The following DIAPH2 variants were observed in gnomAD, a reference collection of about 807,000 sequenced individuals.
DIAPH2 encodes diaphanous related formin 2, also known as protein diaphanous homolog 2.
Under a neutral mutation model 92.7 loss-of-function variants are expected in DIAPH2, and 35 were observed. The observed-to-expected ratio is 0.38, with a 90% CI of 0.29 to 0.50. The LOEUF is 0.50. Ranked by LOEUF, DIAPH2 falls within the 20% of genes least tolerant of loss-of-function variation. The pLI is 0.94. For missense variants in DIAPH2, 701 were observed against 819.5 expected, an observed-to-expected ratio of 0.86 and a Z score of 1.77; for synonymous variants, 301 against 280.4, an observed-to-expected ratio of 1.07 and a Z score of -0.73.
chrX:97,437,537 G>A (rs1407538550), intron 26 of DIAPH2, among the ~76,000 whole-genome samples: 3 of 110,845 alleles, frequency 2.7e-5, no homozygotes, highest in African/African-American at 6.6e-5. Flanking sequence ...GCAACTAACC[G>A]CCTGGAGAAT....
intron 19 of DIAPH2, among the ~76,000 whole-genome samples, chrX:97,080,598 A>G (rs747334670): frequency 2.7e-5 from 3 of 110,653 alleles, no homozygotes; most frequent in African/African-American, 9.9e-5. Flanking sequence ...GTTTTCTCAA[A>G]TGTGATTTTT....
At chrX:96,737,465 G>T (rs2064094859) in intron 2 of DIAPH2, among the ~76,000 whole-genome samples, 1 of 111,477 alleles carries the variant, frequency 9.0e-6, no homozygotes, top group African/African-American at 3.3e-5. Context: ...GTTACATGGC[G>T]GTGAAGATAT....
At chrX:97,469,374 A>G (rs763945807) in intron 26 of DIAPH2, among the ~76,000 whole-genome samples, 4 of 112,286 alleles carry the variant, frequency 3.6e-5, no homozygotes, top group Non-Finnish European at 7.5e-5. Flanking sequence ...AGTCGCATCT[A>G]TTCATTAACT....
At chrX:97,568,129 A>G (rs1383279833) in intron 26 of DIAPH2, among the ~76,000 whole-genome samples, 1 of 107,726 alleles carries the variant, frequency 9.3e-6, no homozygotes, top group Non-Finnish European at 1.9e-5. Flanking sequence ...AAAAAAAAAA[A>G]AAAAAAAAAA....
chrX:97,464,119 T>C (rs1194312254), intron 26 of DIAPH2, among the ~76,000 whole-genome samples: 1 of 107,840 alleles, frequency 9.3e-6, no homozygotes, highest in Non-Finnish European at 1.9e-5. Flanking sequence ...GAAACAACAG[T>C]GAGACCACAG....
intron 17 of DIAPH2, among the ~76,000 whole-genome samples, chrX:97,030,485 T>A (rs145343453): frequency 0.036 from 3,960 of 111,446 alleles, 88 homozygotes; most frequent in Middle Eastern, 0.084. Flanking sequence ...ATACAAATAT[T>A]TTTGATGGTT....
intron 4 of DIAPH2, among the ~76,000 whole-genome samples, chrX:96,781,374 C>T (rs995218139): frequency 2.7e-5 from 3 of 111,429 alleles, no homozygotes; most frequent in Non-Finnish European, 5.6e-5. Flanking sequence ...AGTTTAACCA[C>T]AAGTTTTGCA....
intron 23 of DIAPH2, among the ~76,000 whole-genome samples, chrX:97,321,374 T>C (rs1161364587): frequency 1.8e-5 from 2 of 110,407 alleles, no homozygotes; most frequent in African/African-American, 6.6e-5. Flanking sequence ...TTTATTATTA[T>C]CATAATGTTA....
chrX:97,158,414 T>C (rs2067340664), intron 22 of DIAPH2, among the ~76,000 whole-genome samples: 1 of 110,558 alleles, frequency 9.0e-6, no homozygotes, highest in Non-Finnish European at 1.9e-5. Flanking sequence ...CAGAGCAGCA[T>C]TTCTATCACT....
At position 96,772,926 on chromosome X, in the gene DIAPH2, A is replaced by G. The variant is rs184342174; in HGVS notation, c.447+14668A>G. Among the ~76,000 whole-genome samples, 16 of 112,357 alleles carry G rather than the reference A, an allele frequency of 1.4e-4. No individual in the cohort carries two copies. The East Asian group carries it at 4.5e-3, about 31-fold the overall frequency. On this transcript the variant is annotated intron_variant, in intron 4 of 26. Coordinates refer to ENST00000324765, the MANE Select transcript of DIAPH2 (RefSeq NM_006729.5). Reference sequence around the variant, plus strand: ...TCTGGTAAATCATTTATTTTTATTGATGATTATGATGCTTTTTTGGCAGAG... The same window carrying G: ...TCTGGTAAATCATTTATTTTTATTGGTGATTATGATGCTTTTTTGGCAGAG...
intron 23 of DIAPH2, among the ~76,000 whole-genome samples, chrX:97,322,734 A>G (rs1298595538): frequency 9.0e-6 from 1 of 110,804 alleles, no homozygotes; most frequent in African/African-American, 3.3e-5. Context: ...TACCACTCAA[A>G]ATTTAAGTTG....
intron 17 of DIAPH2, among the ~76,000 whole-genome samples, chrX:97,067,962 G>A (rs1298177117): frequency 1.8e-5 from 2 of 111,631 alleles, no homozygotes; most frequent in African/African-American, 3.2e-5. Flanking sequence ...GTTGGGCTAT[G>A]TTTATGACAA....
chrX:96,706,967 A>T (rs2063889009), intron 1 of DIAPH2, among the ~76,000 whole-genome samples: 1 of 111,003 alleles, frequency 9.0e-6, no homozygotes, highest in African/African-American at 3.3e-5. Context: ...TCTGGAGGAT[A>T]GGAGATTCTT....
chrX:97,501,187 T>C (rs960425276), intron 26 of DIAPH2, among the ~76,000 whole-genome samples: 21 of 110,854 alleles, frequency 1.9e-4, no homozygotes, highest in Non-Finnish European at 3.8e-4. Context: ...CTAGTCAGAT[T>C]GACAGACCAC....
chrX:96,906,094 A>G (rs907090774), intron 5 of DIAPH2, among the ~76,000 whole-genome samples: 2 of 112,460 alleles, frequency 1.8e-5, no homozygotes, highest in Non-Finnish European at 3.8e-5. Context: ...GTGCCACTGC[A>G]CTCCAGCCTG....
chrX:96,788,653 T>G (rs1175994620), intron 4 of DIAPH2, among the ~76,000 whole-genome samples: 1 of 112,469 alleles, frequency 8.9e-6, no homozygotes, highest in African/African-American at 3.2e-5. Flanking sequence ...TTTTTGTTTC[T>G]GTTATTTCAG....
chrX:97,471,417 A>G (rs1378394856), intron 26 of DIAPH2, among the ~76,000 whole-genome samples: 2 of 111,663 alleles, frequency 1.8e-5, no homozygotes, highest in Non-Finnish European at 3.8e-5. Context: ...TGGGCCGGGC[A>G]TGGTGGCTCA....
At chrX:96,722,364 A>T (rs760334458) in intron 1 of DIAPH2, among the ~76,000 whole-genome samples, 1 of 110,558 alleles carries the variant, frequency 9.0e-6, no homozygotes. Flanking sequence ...CTTAGAAAAA[A>T]AAAAAGAGAG....
chrX:97,173,245 T>C (rs1285811830), intron 22 of DIAPH2, among the ~76,000 whole-genome samples: 1 of 111,062 alleles, frequency 9.0e-6, no homozygotes, highest in African/African-American at 3.3e-5. Flanking sequence ...GACAAAAAAT[T>C]AGCCAGCTGT....
Sources: gnomAD v4.1 joint callset for allele counts (sites outside exome capture counted in the v4.1 genomes callset) on GRCh38, gnomAD v4.1.1 for gene constraint, MANE v1.5 for transcripts, NCBI Gene and HGNC (gene_info 2026-07-23, HGNC 2026-07-21) for gene names.